Variants in NPFFR2 observed in about 807,000 individuals in gnomAD.
NPFFR2 encodes G-protein coupled receptor 74.
In NPFFR2, 15 loss-of-function variants were observed where a neutral mutation model predicts 13.1. The observed-to-expected ratio is 1.15, with a 90% CI of 0.77 to 1.76. The LOEUF is 1.76. Ranked by LOEUF, NPFFR2 falls within the 40% of genes most tolerant of loss-of-function variation. The pLI is 0.00. For synonymous variants in NPFFR2, 190 were observed against 175.7 expected (o/e 1.08, Z -0.65); for missense variants, 572 against 503.5 (o/e 1.14, Z -1.30).
chr4:72,112,169 A>C (rs529718223), intron 1 of NPFFR2, among the ~76,000 whole-genome samples: 25 of 152,018 alleles, frequency 1.6e-4, no homozygotes, highest in Non-Finnish European at 2.9e-4. Context: ...TCCATTTTGA[A>C]TCTTGATTCT....
At chr4:72,096,002 G>A (rs184940126) in intron 1 of NPFFR2, among the ~76,000 whole-genome samples, 1 of 152,280 alleles carries the variant, frequency 6.6e-6, no homozygotes, top group African/African-American at 2.4e-5. Flanking sequence ...TTCATTATTT[G>A]TTTGTTTCAG....
rs1387213101 is a variant in NPFFR2 at position 72,064,462 on chromosome 4, T to C, written c.-8+32262T>C. ...AGCAAGCATGGAGAGCCAGAGAGAG[T>C]GTGAGCAAGATGGATGTCAATCTTT... On this transcript the variant is annotated intron_variant, in intron 1 of 3. Transcript: ENST00000308744. Among the ~76,000 whole-genome samples, 3 of 151,928 alleles carry C rather than the reference T, an allele frequency of 2.0e-5. No individual in the cohort carries two copies. The East Asian group carries it at 5.8e-4, about 29-fold the overall frequency.
intron 3 of NPFFR2, among the ~76,000 whole-genome samples, chr4:72,140,317 G>A (rs1722563002): frequency 6.6e-6 from 1 of 152,176 alleles, no homozygotes; most frequent in African/African-American, 2.4e-5. Context: ...GGTGAGAGAG[G>A]TCGACCCTGA....
intron 3 of NPFFR2, among the ~76,000 whole-genome samples, chr4:72,145,625 GA>G (rs1439463976): frequency 1.3e-5 from 2 of 152,134 alleles, no homozygotes; most frequent in Non-Finnish European, 2.9e-5. Context: ...TGAAGTTGAA[GA>G]GAGAAGATCT....
intron 1 of NPFFR2, among the ~76,000 whole-genome samples, chr4:72,061,485 C>A (rs1340550192): frequency 6.6e-6 from 1 of 152,156 alleles, no homozygotes; most frequent in African/African-American, 2.4e-5. Context: ...CCTCCACCTA[C>A]TATTTCTATG....
intron 1 of NPFFR2, among the ~76,000 whole-genome samples, chr4:72,065,531 C>G (rs1421883519): frequency 1.3e-5 from 2 of 152,184 alleles, no homozygotes; most frequent in East Asian, 3.8e-4. Flanking sequence ...AGTATAATTA[C>G]TGAATTCTGA....
At chr4:72,123,657 A>G (rs554823854) in intron 1 of NPFFR2, among the ~76,000 whole-genome samples, 10 of 152,342 alleles carry the variant, frequency 6.6e-5, no homozygotes, top group African/African-American at 2.2e-4. Flanking sequence ...AACCAATCAC[A>G]AAAACCACAT....
chr4:72,079,785 C>G (rs1167693458), intron 1 of NPFFR2, among the ~76,000 whole-genome samples: 3 of 152,176 alleles, frequency 2.0e-5, no homozygotes, highest in Non-Finnish European at 2.9e-5. Flanking sequence ...AAAGTACTTA[C>G]AGCCAGATTA....
At chr4:72,126,720 G>C (rs1481676573) in intron 1 of NPFFR2, among the ~76,000 whole-genome samples, 1 of 152,132 alleles carries the variant, frequency 6.6e-6, no homozygotes, top group African/African-American at 2.4e-5. Context: ...GAAAAACCCT[G>C]GGTGTTGAGT....
At chr4:72,122,615 A>C (rs575554035) in intron 1 of NPFFR2, among the ~76,000 whole-genome samples, 2 of 152,386 alleles carry the variant, frequency 1.3e-5, no homozygotes, top group African/African-American at 4.8e-5. Context: ...AAACTGCACA[A>C]CTACATAGAA....
At chr4:72,058,121 G>A (rs6858826) in intron 1 of NPFFR2, among the ~76,000 whole-genome samples, 139,730 of 151,912 alleles carry the variant, frequency 0.92, 64,948 homozygotes, top group Non-Finnish European at 0.99. Flanking sequence ...TAGAGACAGC[G>A]TTTTATCAGT....
At chr4:72,032,401 C>T (rs1473504632) in intron 1 of NPFFR2, among the ~76,000 whole-genome samples, 2 of 152,194 alleles carry the variant, frequency 1.3e-5, no homozygotes, top group Non-Finnish European at 2.9e-5. Flanking sequence ...ATGTCTGCAC[C>T]ACAGATGGCT....
rs529443655 is a variant in NPFFR2, at chr4:72,132,366, A to G, written c.328+3447A>G. 2.0e-5 allele frequency among the ~76,000 whole-genome samples: 3 copies of G among 152,318 alleles called. No homozygotes were observed. In the East Asian group the frequency reaches 5.8e-4, roughly 29 times the overall value. On this transcript the variant is annotated intron_variant, in intron 2 of 3. Coordinates refer to ENST00000308744, the MANE Select transcript of NPFFR2 (RefSeq NM_004885.3). ...ATGGCTACATAGTATTCCATGGTGT[A>G]TATCTACCACATTTTCTTTATTCAT... is the stretch of plus-strand genomic sequence containing the variant.
chr4:72,035,359 A>C (rs1273037008), intron 1 of NPFFR2, among the ~76,000 whole-genome samples: 1 of 152,260 alleles, frequency 6.6e-6, no homozygotes. Context: ...ATGACCTAAA[A>C]GCAGAGGAGT....
At chr4:72,131,271 C>T (rs1402058878) in intron 2 of NPFFR2, among the ~76,000 whole-genome samples, 1 of 152,052 alleles carries the variant, frequency 6.6e-6, no homozygotes, top group South Asian at 2.1e-4. Context: ...TTGCCAGGGA[C>T]TGCGCCCTTT....
intron 1 of NPFFR2, among the ~76,000 whole-genome samples, chr4:72,062,972 G>T (rs568024146): frequency 6.6e-5 from 10 of 152,154 alleles, no homozygotes; most frequent in Admixed American, 4.6e-4. Flanking sequence ...AACACTGTAC[G>T]TCTTGAAGGT....
chr4:72,114,761 T>C (rs893452816), intron 1 of NPFFR2, among the ~76,000 whole-genome samples: 1 of 152,282 alleles, frequency 6.6e-6, no homozygotes, highest in African/African-American at 2.4e-5. Flanking sequence ...TATAGACCAT[T>C]ATGTGTCAGA....
intron 1 of NPFFR2, among the ~76,000 whole-genome samples, chr4:72,054,670 G>A (rs1719691568): frequency 6.6e-6 from 1 of 151,722 alleles, no homozygotes; most frequent in African/African-American, 2.4e-5. Context: ...TTTGCTCTCT[G>A]AAAGACACAG....
chr4:72,085,581 C>T (rs28575292), intron 1 of NPFFR2, among the ~76,000 whole-genome samples: 3,470 of 152,214 alleles, frequency 0.023, 104 homozygotes, highest in African/African-American at 0.068. Context: ...ATTGCCTAGG[C>T]AAATGGTATT....
Sources: gnomAD v4.1 joint callset for allele counts (sites outside exome capture counted in the v4.1 genomes callset) on GRCh38, gnomAD v4.1.1 for gene constraint, MANE v1.5 for transcripts, NCBI Gene and HGNC (gene_info 2026-07-23, HGNC 2026-07-21) for gene names.